The following ZNF536 variants were observed in gnomAD, a reference collection of about 807,000 sequenced individuals.
ZNF536 encodes the protein zinc finger protein 536.
Under a neutral mutation model 84.5 loss-of-function variants are expected in ZNF536, and 13 were observed. That is an observed-to-expected ratio of 0.15 (90% confidence interval 0.10 to 0.24). The LOEUF (loss-of-function observed/expected upper bound fraction) is 0.24. Among genes scored for constraint, ZNF536 ranks in the 10% least tolerant of loss-of-function variants. ZNF536 has a pLI of 1.00. For synonymous variants in ZNF536, 811 were observed against 742.5 expected, an observed-to-expected ratio of 1.09 and a Z score of -1.50; for missense variants, 1,536 against 1,747.5, an observed-to-expected ratio of 0.88 and a Z score of 2.16.
intron 2 of ZNF536, among the ~76,000 whole-genome samples, chr19:30,487,253 A>C (rs2054336397): frequency 6.6e-6 from 1 of 152,240 alleles, no homozygotes; most frequent in African/African-American, 2.4e-5. Context: ...CATCGTTTAA[A>C]ATGCCAAAAA....
At chr19:30,583,852 G>A (rs566980833) in intron 1 of ZNF536, among the ~76,000 whole-genome samples, 18 of 152,264 alleles carry the variant, frequency 1.2e-4, no homozygotes, top group Non-Finnish European at 2.2e-4. Flanking sequence ...TGACGAGCTC[G>A]GCTATTGATG....
At chr19:30,376,939 G>A (rs1220272892) in intron 1 of ZNF536, among the ~76,000 whole-genome samples, 1 of 152,234 alleles carries the variant, frequency 6.6e-6, no homozygotes, top group East Asian at 1.9e-4. Flanking sequence ...GGGGCAGATG[G>A]CCAACAGGTG....
intron 2 of ZNF536, among the ~76,000 whole-genome samples, chr19:30,495,110 G>C (rs143385285): frequency 6.6e-6 from 1 of 152,184 alleles, no homozygotes; most frequent in Non-Finnish European, 1.5e-5. Flanking sequence ...TATTGCTGTG[G>C]TATTGGGACA....
At chr19:30,568,324 C>T (rs552207281) in intron 1 of ZNF536, among the ~76,000 whole-genome samples, 1 of 152,236 alleles carries the variant, frequency 6.6e-6, no homozygotes, top group South Asian at 2.1e-4. Flanking sequence ...GCATCATTTT[C>T]CACCTCACGA....
At position 30,453,419 on chromosome 19, in the gene ZNF536, G is replaced by A. The variant is rs2052699950; in HGVS notation, c.2170+7687G>A. On this transcript the variant is annotated intron_variant, in intron 2 of 4. Coordinates refer to ENST00000355537, the MANE Select transcript of ZNF536 (RefSeq NM_014717.3). ...TGTATTTTCCATCTATTTGTTTTGT[G>A]TTGCATTTTGCTTACTCTCTTCACC... is the stretch of plus-strand genomic sequence containing the variant. Among the ~76,000 whole-genome samples the A allele has an allele frequency of 1.3e-5, 2 of 152,186 alleles. 1 individual carries two copies. The highest frequency in any genetic ancestry group is 4.1e-4 in the South Asian group (2 of 4,832).
At chr19:30,671,568 GGGTGGAGGCCCCA>G (rs1299490154) in intron 1 of ZNF536, among the ~76,000 whole-genome samples, 1 of 152,128 alleles carries the variant, frequency 6.6e-6, no homozygotes, top group Non-Finnish European at 1.5e-5. Flanking sequence ...AGCGGGGCAG[GGGTGGAGGCCCCA>G]GGTGCTGAGA....
Position 30,336,069 on chromosome 19 carries a change from C to T in ZNF536, c.-119-16299C>T, listed in dbSNP as rs537740144. Among the ~76,000 whole-genome samples, 20 of 152,328 alleles carry T rather than the reference C, an allele frequency of 1.3e-4. 1 individual carries two copies. The highest frequency in any genetic ancestry group is 4.8e-4 in the African/African-American group (20 of 41,572). On this transcript the variant is annotated intron_variant, in intron 2 of 5. Coordinates refer to the ZNF536 transcript ENST00000585628. ...CGGTTCAGTTCTAGAGGGAGAGCTA[C>T]AGGTAAACAAGGGAGGAGGTGACCC...
intron 1 of ZNF536, among the ~76,000 whole-genome samples, chr19:30,259,471 CCATCTA>C (rs2025083146): frequency 6.6e-6 from 1 of 152,190 alleles, no homozygotes; most frequent in Admixed American, 6.5e-5. Context: ...CACCCCAGAC[CCATCTA>C]ATCGGAAACG....
chr19:30,244,095 AG>A (rs1464108121), intron 1 of ZNF536, among the ~76,000 whole-genome samples: 1 of 152,178 alleles, frequency 6.6e-6, no homozygotes, highest in Admixed American at 6.5e-5. Context: ...AAGAATCTAC[AG>A]TTTCTGATTT....
intron 1 of ZNF536, among the ~76,000 whole-genome samples, chr19:30,605,810 C>A (rs1243114023): frequency 2.0e-5 from 3 of 152,196 alleles, no homozygotes; most frequent in Non-Finnish European, 4.4e-5. Flanking sequence ...GGGACTATCA[C>A]CAGCTCACAG....
At chr19:30,498,795 G>A (rs1168307959) in intron 2 of ZNF536, among the ~76,000 whole-genome samples, 1 of 152,092 alleles carries the variant, frequency 6.6e-6, no homozygotes, top group East Asian at 1.9e-4. Context: ...GTGGGGGACA[G>A]GAGCTCAGGG....
intron 1 of ZNF536, chr19:30,436,472 C>A (rs1458260836): frequency 5.7e-6 from 5 of 873,876 alleles, no homozygotes; most frequent in African/African-American, 1.8e-5. Flanking sequence ...TGTAAGAGAT[C>A]AAAAAAAAAA....
At chr19:30,320,134 ATGTAGTTTGGTG>A (rs897086212) in intron 2 of ZNF536, among the ~76,000 whole-genome samples, 1 of 152,204 alleles carries the variant, frequency 6.6e-6, no homozygotes, top group Non-Finnish European at 1.5e-5. Flanking sequence ...CCTTGATGAA[ATGTAGTTTGGTG>A]TCAGAAGCTG....
intron 2 of ZNF536, among the ~76,000 whole-genome samples, chr19:30,475,378 G>A (rs918076095): frequency 5.9e-5 from 9 of 152,114 alleles, no homozygotes; most frequent in Non-Finnish European, 2.9e-5. Flanking sequence ...CTGAGAGGGA[G>A]GATTCTTTGA....
At position 30,548,677 on chromosome 19, in the gene ZNF536, C is replaced by T. The variant is rs2146212445; in HGVS notation, c.3058C>T (p.Leu1020Phe). ...CTCCATGGAGCTCATGGCCCTTCAT[C>T]TCCAGGCCAACCACCTGGGCAAAGC... ...TSSMELMALHLQANHLGKAKR... is the reference protein window; with the variant it reads ...TSSMELMALHFQANHLGKAKR... Residue 1020 changes from leucine to phenylalanine, a missense_variant, in exon 4 of 5, where the codon CTC becomes TTC. Coordinates refer to ENST00000355537, the MANE Select transcript of ZNF536 (RefSeq NM_014717.3). 1 of 1,614,046 alleles carries T rather than the reference C, an allele frequency of 6.2e-7. No individual in the cohort carries two copies. The highest frequency in any genetic ancestry group is 8.5e-7 in the Non-Finnish European group (1 of 1,180,042).
At chr19:30,529,695 G>T (rs183722485) in intron 2 of ZNF536, among the ~76,000 whole-genome samples, 1 of 152,304 alleles carries the variant, frequency 6.6e-6, no homozygotes, top group Non-Finnish European at 1.5e-5. Context: ...CCTGGTAACA[G>T]ACCTTTAAAA....
intron 3 of ZNF536, among the ~76,000 whole-genome samples, chr19:30,539,300 G>C (rs2045229767): frequency 6.6e-6 from 1 of 152,144 alleles, no homozygotes; most frequent in Non-Finnish European, 1.5e-5. Flanking sequence ...CCAGCTGAAA[G>C]ACAGCCAGGC....
At chr19:30,624,799 G>C (rs770242393) in intron 1 of ZNF536, among the ~76,000 whole-genome samples, 2 of 152,144 alleles carry the variant, frequency 1.3e-5, no homozygotes, top group Non-Finnish European at 2.9e-5. Flanking sequence ...TCAAAGGAGG[G>C]ACCCAGTGAG....
At chr19:30,559,245 G>A (rs1002420128), downstream of ZNF536, among the ~76,000 whole-genome samples, 2 of 152,216 alleles carry the variant, frequency 1.3e-5, no homozygotes, top group African/African-American at 4.8e-5. Flanking sequence ...GAAGCTGGGA[G>A]CACATACCAT....
Sources: allele counts gnomAD v4.1 joint callset (sites outside exome capture counted in the v4.1 genomes callset), GRCh38; gene constraint gnomAD v4.1.1; transcripts MANE v1.5; gene names NCBI Gene and HGNC (gene_info 2026-07-23, HGNC 2026-07-21).